ATP11B: variants seen among roughly 807,000 people sequenced by gnomAD.
The protein encoded by ATP11B is ATPase phospholipid transporting 11B (putative).
ATP11B carries 81 observed loss-of-function variants against 157.8 expected under a neutral mutation model. The observed-to-expected ratio is 0.51, with a 90% CI of 0.43 to 0.62. The LOEUF is 0.62. ATP11B is among the 20% of genes least tolerant of loss of function. The probability of loss-of-function intolerance (pLI) is 0.00; values close to 1 mark genes in which losing one functional copy is unlikely to be tolerated. For synonymous variants in ATP11B, 451 were observed against 469.4 expected, an observed-to-expected ratio of 0.96 and a Z score of 0.51; for missense variants, 1,165 against 1,402.2, an observed-to-expected ratio of 0.83 and a Z score of 2.70.
In ATP11B at chr3:182,816,739, A is replaced by G. The variant is rs77286328; in HGVS notation, c.28-3521A>G. ...TCTTTTCATCATGCAAAGCTCATGA[A>G]ACCTATGTATACGCTTATCAGAAAA... is the stretch of plus-strand genomic sequence containing the variant. On this transcript the variant is annotated intron_variant, in intron 1 of 29. Coordinates refer to ENST00000323116, the MANE Select transcript of ATP11B (RefSeq NM_014616.3). Among the ~76,000 whole-genome samples the G allele has an allele frequency of 8.5e-3, 1,294 of 152,336 alleles. 22 individuals are homozygous for G. Among genetic ancestry groups the G allele is most frequent in the African/African-American group, 0.03 (1,228 of 41,576 alleles).
intron 25 of ATP11B, among the ~76,000 whole-genome samples, chr3:182,892,378 T>C (rs1400173477): frequency 1.3e-5 from 2 of 152,166 alleles, no homozygotes; most frequent in East Asian, 3.8e-4. Flanking sequence ...ATATTGTTAT[T>C]GCATGCCCAA....
chr3:182,878,781 G>A (rs1028172428), intron 19 of ATP11B, among the ~76,000 whole-genome samples: 2 of 152,050 alleles, frequency 1.3e-5, no homozygotes, highest in Admixed American at 6.5e-5. Context: ...TATGCATATC[G>A]TGAATCTTGC....
chr3:182,824,070 T>A (rs1174340123), intron 2 of ATP11B, among the ~76,000 whole-genome samples: 3 of 152,182 alleles, frequency 2.0e-5, no homozygotes, highest in Non-Finnish European at 2.9e-5. Context: ...TAGAATTTCA[T>A]ATAATACAAC....
chr3:182,797,239 A>G (rs532306407), intron 1 of ATP11B, among the ~76,000 whole-genome samples: 14 of 152,214 alleles, frequency 9.2e-5, no homozygotes, highest in African/African-American at 3.4e-4. Context: ...ACTTGTGAAC[A>G]TGTTCAAGCC....
chr3:182,801,190 T>G (rs1211372520), intron 1 of ATP11B, among the ~76,000 whole-genome samples: 1 of 152,226 alleles, frequency 6.6e-6, no homozygotes, highest in Non-Finnish European at 1.5e-5. Flanking sequence ...TCTTTAAAAC[T>G]ATTAGATTGT....
rs1577060066 is a variant in ATP11B, at chr3:182,873,964, A to T, written c.2201A>T (p.Asn734Ile). 6.2e-7 allele frequency: 1 copy of T among 1,614,118 alleles called. No homozygotes were observed. Among genetic ancestry groups the T allele is most frequent in the African/African-American group, 1.3e-5 (1 of 75,058 alleles). Residue 734 changes from asparagine to isoleucine, a missense_variant, in exon 19 of 30, where the codon AAC (asparagine) becomes ATC (isoleucine). By Grantham distance (149) the Asn-to-Ile change is moderately radical (BLOSUM62 -3). This residue lies in a region of ATP11B where 737 missense variants were observed against 930.5 expected (regional missense o/e 0.79). Coordinates refer to ENST00000323116, the MANE Select transcript of ATP11B (RefSeq NM_014616.3). ...ACCATGAACATCCTTGAACTTATAAACCAGAAATCAGACAGCGAGTGTGCT... is the reference window on the plus strand; with the variant it reads ...ACCATGAACATCCTTGAACTTATAATCCAGAAATCAGACAGCGAGTGTGCT... Reference protein sequence around the residue: ...HRTMNILELINQKSDSECAEQ... With the variant: ...HRTMNILELIIQKSDSECAEQ...
At chr3:182,903,208 A>G (rs1457877710) in intron 28 of ATP11B, among the ~76,000 whole-genome samples, 1 of 152,184 alleles carries the variant, frequency 6.6e-6, no homozygotes, top group African/African-American at 2.4e-5. Flanking sequence ...AGATACTATA[A>G]CTATGTATTA....
intron 25 of ATP11B, among the ~76,000 whole-genome samples, chr3:182,893,083 T>C (rs373686685): frequency 1.3e-5 from 2 of 152,256 alleles, no homozygotes; most frequent in African/African-American, 4.8e-5. Context: ...AGGGCTTGTC[T>C]TAATAATACA....
chr3:182,831,354 A>G (rs988534996), intron 4 of ATP11B, among the ~76,000 whole-genome samples: 3 of 152,084 alleles, frequency 2.0e-5, no homozygotes, highest in African/African-American at 7.2e-5. Context: ...GGACAATTGC[A>G]TTCTTTTCTG....
At chr3:182,913,715 G>T (rs1357502163) in intron 28 of ATP11B, 146 bp from the exon 29 acceptor site, 1 of 1,347,022 alleles carries the variant, frequency 7.4e-7, no homozygotes, top group African/African-American at 1.5e-5. Flanking sequence ...GTAAATTAAA[G>T]CCTTTCATAT....
chr3:182,843,036 G>A (rs1332346222), intron 8 of ATP11B, among the ~76,000 whole-genome samples: 1 of 152,176 alleles, frequency 6.6e-6, no homozygotes, highest in African/African-American at 2.4e-5. Context: ...CAGGCATCTG[G>A]TATTATTGAG....
intron 10 of ATP11B, among the ~76,000 whole-genome samples, chr3:182,852,718 T>G (rs1027483353): frequency 5.3e-5 from 8 of 152,328 alleles, no homozygotes; most frequent in African/African-American, 1.9e-4. Flanking sequence ...TGACTCAAAG[T>G]GTAAGATCTA....
chr3:182,815,326 T>C (rs1217590811), intron 1 of ATP11B, among the ~76,000 whole-genome samples: 1 of 152,244 alleles, frequency 6.6e-6, no homozygotes, highest in Non-Finnish European at 1.5e-5. Flanking sequence ...CTGTTAACAG[T>C]GTCACATTAT....
intron 28 of ATP11B, among the ~76,000 whole-genome samples, chr3:182,910,071 CAGAAA>C (rs752417475): frequency 2.8e-4 from 20 of 72,302 alleles, no homozygotes; most frequent in South Asian, 4.6e-4. Flanking sequence ...ACTCGGCCTC[CAGAAA>C]AAAAAAAAAA....
chr3:182,881,510 C>T (rs954460353), intron 21 of ATP11B, among the ~76,000 whole-genome samples: 7 of 151,720 alleles, frequency 4.6e-5, no homozygotes, highest in African/African-American at 1.5e-4. Context: ...CCACTGCACT[C>T]CAGCCTGGGC....
At chr3:182,798,691 A>G (rs1477883704) in intron 1 of ATP11B, among the ~76,000 whole-genome samples, 1 of 152,240 alleles carries the variant, frequency 6.6e-6, no homozygotes, top group Non-Finnish European at 1.5e-5. Flanking sequence ...GCTATTCAAC[A>G]TGGTATCCAC....
chr3:182,885,763 T>C (rs1482181019), intron 22 of ATP11B, among the ~76,000 whole-genome samples, 188 bp from the exon 23 acceptor site: 2 of 152,142 alleles, frequency 1.3e-5, no homozygotes, highest in East Asian at 1.9e-4. Context: ...TTGCTTAGAA[T>C]GTTTTTAGAC....
At chr3:182,863,065 C>T (rs376418837) in intron 12 of ATP11B, among the ~76,000 whole-genome samples, 1 of 151,806 alleles carries the variant, frequency 6.6e-6, no homozygotes, top group East Asian at 1.9e-4. Context: ...TACAGGCACC[C>T]GCCACCACAC....
chr3:182,919,027 TTAAC>T lies in ATP11B; in HGVS notation c.*926_*929del, dbSNP rs1474036975. 2.6e-5 allele frequency: 4 copies of T among 152,170 alleles called. No homozygotes were observed. Among genetic ancestry groups the T allele is most frequent in the African/African-American group, 4.8e-5 (2 of 41,456 alleles). The allele number at this position is 152,170 out of a possible 1,614,324, so 9.4% of individuals were successfully genotyped here. Reference sequence around the variant, plus strand: ...GTATTTCATGACATCGTTGTACAGTTTAACTATATCAATAAAAAGTTTGGACAGT... The same window carrying T: ...GTATTTCATGACATCGTTGTACAGTTTATATCAATAAAAAGTTTGGACAGT... On this transcript the variant is annotated 3_prime_UTR_variant, in exon 30 of 30. Coordinates refer to ENST00000323116, the MANE Select transcript of ATP11B (RefSeq NM_014616.3).
Sources: allele counts gnomAD v4.1 joint callset (sites outside exome capture counted in the v4.1 genomes callset), GRCh38; gene constraint gnomAD v4.1.1; regional missense constraint gnomAD v4.1.1; transcripts MANE v1.5; gene names NCBI Gene and HGNC (gene_info 2026-07-23, HGNC 2026-07-21).